Variants in SHQ1 observed in about 807,000 individuals in gnomAD.
SHQ1 encodes the protein protein SHQ1 homolog.
A neutral mutation model predicts 53.8 loss-of-function variants in SHQ1; 49 were observed. The ratio of observed to expected loss-of-function variants is 0.91; its 90% CI spans 0.72 to 1.16. The LOEUF is 1.16. SHQ1 is among the 50% of genes most tolerant of loss of function. SHQ1 has a pLI of 0.00. For synonymous variants in SHQ1, 243 were observed against 251.0 expected, an observed-to-expected ratio of 0.97 and a Z score of 0.30; for missense variants, 738 against 683.1, an observed-to-expected ratio of 1.08 and a Z score of -0.90.
At chr3:72,738,261 G>C in the SHQ1 span, among the ~76,000 whole-genome samples, 42 of 152,262 alleles carry the variant, frequency 2.8e-4, no homozygotes, top group Non-Finnish European at 4.6e-4. Context: ...CTTTAAAATG[G>C]GATCACTTGC....
At chr3:72,764,364 T>C (rs949734691) in intron 10 of SHQ1, among the ~76,000 whole-genome samples, 3 of 152,184 alleles carry the variant, frequency 2.0e-5, no homozygotes, top group Non-Finnish European at 4.4e-5. Context: ...GTTTGAAGTA[T>C]TCAACGACTG....
chr3:72,813,760 CA>C (rs757465696), intron 8 of SHQ1, among the ~76,000 whole-genome samples: 335 of 40,524 alleles, frequency 8.3e-3, no homozygotes, highest in African/African-American at 0.016. Flanking sequence ...GACACCATCT[CA>C]AAAAAAAAAA....
At chr3:72,798,687 A>G (rs1332411260) in intron 9 of SHQ1, among the ~76,000 whole-genome samples, 1 of 152,180 alleles carries the variant, frequency 6.6e-6, no homozygotes, top group Admixed American at 6.5e-5. Context: ...AAATCCTCCT[A>G]TTAGTAGAGC....
intron 9 of SHQ1, among the ~76,000 whole-genome samples, chr3:72,803,430 T>C (rs1706851508): frequency 6.6e-6 from 1 of 152,180 alleles, no homozygotes; most frequent in Non-Finnish European, 1.5e-5. Flanking sequence ...CTTCTCCTAA[T>C]GTACAGAAGC....
intron 2 of SHQ1, 48 bp downstream of exon 2, chr3:72,844,311 T>C (rs1708265570): frequency 1.4e-6 from 2 of 1,463,940 alleles, no homozygotes; most frequent in African/African-American, 2.8e-5. Context: ...ATGTAAATAA[T>C]GTGAAAAATC....
chr3:72,812,544 G>A (rs1707156921), intron 9 of SHQ1, 127 bp downstream of exon 9: 1 of 971,036 alleles, frequency 1.0e-6, no homozygotes, highest in Non-Finnish European at 1.5e-6. Context: ...TACTTTAAAA[G>A]TGGTTGGATT....
intron 10 of SHQ1, among the ~76,000 whole-genome samples, chr3:72,789,006 C>T (rs1167418427): frequency 1.3e-5 from 2 of 151,332 alleles, no homozygotes; most frequent in African/African-American, 2.4e-5. Flanking sequence ...ATCTGCTGAC[C>T]TTCCCTCCAC....
chr3:72,824,685 A>G (rs1559691204), intron 5 of SHQ1, 134 bp from the exon 6 acceptor site: 3 of 1,037,848 alleles, frequency 2.9e-6, no homozygotes, highest in Non-Finnish European at 4.0e-6. Context: ...AAGACTGAAC[A>G]CTATATTTAC....
chr3:72,775,324 A>G (rs1273122727), intron 10 of SHQ1, among the ~76,000 whole-genome samples: 2 of 152,066 alleles, frequency 1.3e-5, no homozygotes, highest in Non-Finnish European at 2.9e-5. Flanking sequence ...TTTAGAAGAA[A>G]TGGACAAAGT....
rs147064121 is a variant in SHQ1 at position 72,752,873 on chromosome 3, C to T, written c.1182-2037G>A. On this transcript the variant is annotated intron_variant, in intron 10 of 10. Coordinates refer to ENST00000325599, the MANE Select transcript of SHQ1 (RefSeq NM_018130.3). ...AGAGATGAGGTTTCACCATGTTGGC[C>T]GAGATGGTCTTGATCTCCTGACCTC... 8.5e-4 allele frequency: 437 copies of T among 511,588 alleles called. 2 individuals are homozygous for T. The African/African-American group carries it at 8.6e-3, about 10-fold the overall frequency. The allele number at this position is 511,588 out of a possible 1,614,324, so 31.7% of individuals were successfully genotyped here.
At chr3:72,778,633 T>C (rs1375664827) in intron 10 of SHQ1, among the ~76,000 whole-genome samples, 1 of 152,070 alleles carries the variant, frequency 6.6e-6, no homozygotes, top group Non-Finnish European at 1.5e-5. Flanking sequence ...ATAACTAAAC[T>C]CTACAAACAT....
intron 10 of SHQ1, among the ~76,000 whole-genome samples, chr3:72,771,445 T>C (rs1327219562): frequency 6.6e-6 from 1 of 152,116 alleles, no homozygotes; most frequent in East Asian, 1.9e-4. Flanking sequence ...AGAAGAGGAA[T>C]TATACTTAAA....
chr3:72,801,383 T>C (rs1479072433), intron 9 of SHQ1, among the ~76,000 whole-genome samples: 1 of 152,192 alleles, frequency 6.6e-6, no homozygotes. Context: ...TTCATTTTTT[T>C]CCAACAGATA....
chr3:72,815,024 A>C (rs1707266006), intron 8 of SHQ1, among the ~76,000 whole-genome samples: 1 of 152,010 alleles, frequency 6.6e-6, no homozygotes, highest in East Asian at 1.9e-4. Flanking sequence ...ACAGTCACTT[A>C]TCACCTAGGT....
At position 72,848,390 on chromosome 3, in the gene SHQ1, G is replaced by A; in HGVS notation, c.-50C>T. 1 of 1,604,502 alleles carries A rather than the reference G, an allele frequency of 6.2e-7. No individual in the cohort carries two copies. Among genetic ancestry groups the A allele is most frequent in the Non-Finnish European group, 8.5e-7 (1 of 1,175,064 alleles). On this transcript the variant is annotated 5_prime_UTR_variant, in exon 1 of 11. The change creates a new upstream start codon in the 5' untranslated region. Coordinates refer to ENST00000325599, the MANE Select transcript of SHQ1 (RefSeq NM_018130.3). ...CGCCGCTCGCTCTCACTGCCGCCGC[G>A]TTCCCGCCACGCAAACTCTCCAACT... is the stretch of plus-strand genomic sequence containing the variant.
the SHQ1 span, among the ~76,000 whole-genome samples, chr3:72,732,995 T>A: frequency 2.0e-5 from 3 of 151,820 alleles, no homozygotes; most frequent in African/African-American, 7.3e-5. Flanking sequence ...GGATTCTTTC[T>A]AAGCCTGGCC....
intron 10 of SHQ1, among the ~76,000 whole-genome samples, chr3:72,781,007 A>T (rs1185063801): frequency 6.6e-6 from 1 of 151,740 alleles, no homozygotes; most frequent in East Asian, 1.9e-4. Context: ...ATAGAAGCAA[A>T]TAAAGTAAAA....
chr3:72,815,484 A>G (rs1283949836), intron 7 of SHQ1, 81 bp from the exon 8 acceptor site: 9 of 1,080,478 alleles, frequency 8.3e-6, no homozygotes, highest in Non-Finnish European at 1.3e-5. Context: ...CATTTATTCA[A>G]CCAGTGTCTG....
chr3:72,751,535 T>TATATACAC lies in SHQ1; in HGVS notation c.1182-700_1182-699insGTGTATAT, dbSNP rs1444853961. ...ATATATATATATATATATATACATA[T>TATATACAC]ACATACACTAATAAAGCCTAACTCT... is the stretch of plus-strand genomic sequence containing the variant. On this transcript the variant is annotated intron_variant, in intron 10 of 10. Transcript: ENST00000325599. Among the ~76,000 whole-genome samples the TATATACAC allele has an allele frequency of 1.3e-3, 180 of 139,944 alleles. 2 individuals are homozygous for TATATACAC. The highest frequency in any genetic ancestry group is 1.9e-3 in the Non-Finnish European group (129 of 66,484). The allele number at this position is 139,944 out of a possible 152,430, so 91.8% of individuals were successfully genotyped here.
Sources: allele counts gnomAD v4.1 joint callset (sites outside exome capture counted in the v4.1 genomes callset), GRCh38; gene constraint gnomAD v4.1.1; transcripts MANE v1.5; gene names NCBI Gene and HGNC (gene_info 2026-07-23, HGNC 2026-07-21).